Variants in CARD14 observed in about 807,000 individuals in gnomAD.
The protein encoded by CARD14 is caspase recruitment domain-containing protein 14.
A neutral mutation model predicts 111.5 loss-of-function variants in CARD14; 107 were observed. The ratio of observed to expected loss-of-function variants is 0.96; its 90% CI spans 0.82 to 1.13. CARD14 has a LOEUF of 1.13. Among genes scored for constraint, CARD14 ranks in the 50% most tolerant of loss-of-function variants. The pLI, the probability that CARD14 is intolerant of heterozygous loss-of-function variation, is 0.00. For missense variants in CARD14, 1,322 were observed against 1,362.3 expected (o/e 0.97, Z 0.47); for synonymous variants, 617 against 579.6 (o/e 1.06, Z -0.93).
At position 80,184,154 on chromosome 17, in the gene CARD14, G is replaced by A. The variant is rs1380502626; in HGVS notation, c.591G>A (p.Glu197=). 6.4e-7 allele frequency: 1 copy of A among 1,566,104 alleles called. No homozygotes were observed. ...HFHEVLRLKD[E]MLSLSLHYSN... ...ATGAGGTGCTGAGGCTGAAGGACGAGATGCTCAGCCTCTCGCTGCACTATA... is the reference window on the plus strand; with the variant it reads ...ATGAGGTGCTGAGGCTGAAGGACGAAATGCTCAGCCTCTCGCTGCACTATA... Residue 197 remains glutamate, a synonymous_variant, in exon 7 of 24, where the codon GAG becomes GAA. Coordinates refer to ENST00000648509, the MANE Select transcript of CARD14 (RefSeq NM_001366385.1).
intron 2 of CARD14, among the ~76,000 whole-genome samples, chr17:80,173,529 T>A (rs1169494516): frequency 6.6e-6 from 1 of 152,184 alleles, no homozygotes; most frequent in Non-Finnish European, 1.5e-5. Context: ...AAAGTTTTTT[T>A]TTATTATTTT....
intron 4 of CARD14, among the ~76,000 whole-genome samples, chr17:80,180,521 G>A (rs1301156926): frequency 6.6e-6 from 1 of 152,192 alleles, no homozygotes; most frequent in Non-Finnish European, 1.5e-5. Context: ...CTGTGTCACT[G>A]TCCTGGGCCG....
intron 12 of CARD14, among the ~76,000 whole-genome samples, chr17:80,193,762 C>T (rs550956057): frequency 6.6e-6 from 1 of 152,274 alleles, no homozygotes; most frequent in East Asian, 1.9e-4. Context: ...ACACTGAGTG[C>T]ACACACGGGG....
In CARD14 at chr17:80,195,046, T is replaced by C; in HGVS notation, c.1357-145T>C. On this transcript the variant is annotated intron_variant, in intron 12 of 23. Transcript: ENST00000648509. The surrounding 1 kb of genome is among the most constrained non-coding windows in gnomAD (Gnocchi z 4.7). Reference sequence around the variant, plus strand: ...GCATACAGCAGGTGCTCAGCGCATGTGACCCCATGTGTGTCCTTCTTTCCC... The same window carrying C: ...GCATACAGCAGGTGCTCAGCGCATGCGACCCCATGTGTGTCCTTCTTTCCC... The C allele has an allele frequency of 2.0e-6, 2 of 1,009,672 alleles. No homozygotes were observed. Among genetic ancestry groups the C allele is most frequent in the Non-Finnish European group, 2.8e-6 (2 of 705,044 alleles). 62.5% of individuals were successfully genotyped at this position (1,009,672 alleles called of 1,614,324 possible). A position where few individuals can be genotyped will look rare whatever the true frequency, so the allele number is the denominator to read the frequency against.
intron 2 of CARD14, among the ~76,000 whole-genome samples, chr17:80,175,868 C>T (rs1052151882): frequency 6.6e-6 from 1 of 150,880 alleles, no homozygotes; most frequent in East Asian, 2.0e-4. Flanking sequence ...CAGGGACCTC[C>T]TCAGCCCACC....
At chr17:80,194,192 C>G (rs2040628186) in intron 12 of CARD14, among the ~76,000 whole-genome samples, 1 of 152,126 alleles carries the variant, frequency 6.6e-6, no homozygotes, top group Non-Finnish European at 1.5e-5. Context: ...CATGCCACTT[C>G]CTCCAGAGAG....
intron 2 of CARD14, among the ~76,000 whole-genome samples, chr17:80,177,619 C>T (rs139043169): frequency 0.08 from 12,161 of 152,088 alleles, 541 homozygotes; most frequent in Middle Eastern, 0.13. Context: ...TGCTTGAACC[C>T]GGGAGACAAA....
intron 2 of CARD14, among the ~76,000 whole-genome samples, chr17:80,174,273 C>G (rs1005682661): frequency 6.6e-6 from 1 of 152,044 alleles, no homozygotes; most frequent in Non-Finnish European, 1.5e-5. Flanking sequence ...AGTGCAGTGG[C>G]GTAATCTCAG....
intron 14 of CARD14, chr17:80,196,851 A>G (rs2040730687): frequency 6.6e-6 from 1 of 152,222 alleles, no homozygotes; most frequent in Non-Finnish European, 1.5e-5. Flanking sequence ...CCACACAGAA[A>G]TGCAGGCCTG....
chr17:80,178,225 G>A (rs1052652322), intron 2 of CARD14, among the ~76,000 whole-genome samples: 1 of 152,166 alleles, frequency 6.6e-6, no homozygotes, highest in African/African-American at 2.4e-5. Flanking sequence ...CCGCAGACAG[G>A]CCTGTGGGTG....
chr17:80,186,897 A>G (rs1479520677), intron 7 of CARD14, among the ~76,000 whole-genome samples: 2 of 152,210 alleles, frequency 1.3e-5, no homozygotes, highest in Non-Finnish European at 2.9e-5. Flanking sequence ...TGTGTCCATC[A>G]CTACTAGGGT....
chr17:80,207,869 A>G (rs1598726902), intron 23 of CARD14, among the ~76,000 whole-genome samples: 1 of 152,146 alleles, frequency 6.6e-6, no homozygotes, highest in East Asian at 1.9e-4. Context: ...AAGGACAAAA[A>G]AAAAAAAAGT....
At chr17:80,184,611 CCT>C (rs2040283028) in intron 7 of CARD14, among the ~76,000 whole-genome samples, 1 of 152,168 alleles carries the variant, frequency 6.6e-6, no homozygotes, top group African/African-American at 2.4e-5. Flanking sequence ...GGATAGTCGG[CCT>C]CTGTCATCCT....
In CARD14 at chr17:80,184,223, C is replaced by T; in HGVS notation, c.660C>T (p.Arg220=). The T allele has an allele frequency of 1.3e-6, 2 of 1,535,620 alleles. No homozygotes were observed. Residue 220 remains arginine, a synonymous_variant, in exon 7 of 24, where the codon CGC becomes CGT. Transcript: ENST00000648509. ...QEKELAASRC[R]SLQEELYLLK... The stretch of plus-strand genomic sequence containing the variant: ...AGGAGCTGGCCGCCTCACGCTGCCG[C>T]AGCCTGCAGGAGGAGGTAGGGGGAC...
intron 21 of CARD14, 58 bp downstream of exon 21, chr17:80,205,263 C>T: frequency 2.8e-6 from 4 of 1,448,950 alleles, no homozygotes; most frequent in South Asian, 2.5e-5. Flanking sequence ...TCCCTCCTCC[C>T]CTTCCTCCCT....
intron 2 of CARD14, among the ~76,000 whole-genome samples, chr17:80,175,972 T>G (rs2040016167): frequency 2.4e-5 from 2 of 84,042 alleles, no homozygotes; most frequent in Admixed American, 2.1e-4. Context: ...TTTTTTTTTT[T>G]TTTTTTTTTT....
At position 80,208,166 on chromosome 17, in the gene CARD14, G is replaced by C. The variant is rs752281368; in HGVS notation, c.2836G>C (p.Glu946Gln). The C allele has an allele frequency of 1.2e-5, 19 of 1,547,454 alleles. No individual in the cohort carries two copies. The African/African-American group carries it at 1.9e-4, about 16-fold the overall frequency. Residue 946 changes from glutamate (E) to glutamine (Q), a missense_variant, in exon 24 of 24, where the codon GAG (glutamate) becomes CAG (glutamine). Physicochemically the swap from Glu to Gln is conservative, Grantham distance 29. Transcript: ENST00000648509. ...KKGLQRLGTS[E>Q]EQLLEAARQE... ...GGGCCTACAGCGGTTGGGCACCTCA[G>C]AGGAGCAGCTCCTGGAGGCTGCGAG...
At chr17:80,186,763 T>A (rs1317877518) in intron 7 of CARD14, among the ~76,000 whole-genome samples, 1 of 152,186 alleles carries the variant, frequency 6.6e-6, no homozygotes, top group Non-Finnish European at 1.5e-5. Context: ...TTGGCCAGGC[T>A]GGTCTCAAAC....
rs769371062 is a variant in CARD14, at chr17:80,183,900, C to T, written c.350-13C>T. 4.1e-6 allele frequency: 6 copies of T among 1,469,186 alleles called. No individual in the cohort carries two copies. The highest frequency in any genetic ancestry group is 1.5e-5 in the South Asian group (1 of 67,300). The allele number at this position is 1,469,186 out of a possible 1,614,324, so 91.0% of individuals were successfully genotyped here. On this transcript the variant is annotated splice_polypyrimidine_tract_variant and intron_variant, in intron 6 of 23. Transcript: ENST00000648509. ...CTACCTGCTCACTTGCTCACCTGCC[C>T]ATCTGCCCACAGGTCTCATGGAGAC... is the stretch of plus-strand genomic sequence containing the variant.
Sources: gnomAD v4.1 joint callset for allele counts (sites outside exome capture counted in the v4.1 genomes callset) on GRCh38, gnomAD v4.1.1 for gene constraint, Gnocchi (gnomAD v3.1) non-coding constraint, MANE v1.5 for transcripts, NCBI Gene and HGNC (gene_info 2026-07-23, HGNC 2026-07-21) for gene names.